Variants in FBXW11 observed in about 807,000 individuals in gnomAD.
FBXW11 encodes the protein F-box/WD repeat-containing protein 11.
Under a neutral mutation model 77.6 loss-of-function variants are expected in FBXW11, and 19 were observed. The ratio of observed to expected loss-of-function variants is 0.24; its 90% CI spans 0.17 to 0.36. FBXW11 has a LOEUF of 0.36. Ranked by LOEUF, FBXW11 falls within the 10% of genes least tolerant of loss-of-function variation. The probability of loss-of-function intolerance (pLI) is 1.00; values close to 1 mark genes in which losing one functional copy is unlikely to be tolerated. For missense variants in FBXW11, 334 were observed against 704.2 expected (o/e 0.47, Z 5.95); for synonymous variants, 235 against 249.4 (o/e 0.94, Z 0.54).
intron 1 of FBXW11, among the ~76,000 whole-genome samples, chr5:171,964,961 A>G (rs1764104656): frequency 6.6e-6 from 1 of 152,176 alleles, no homozygotes; most frequent in African/African-American, 2.4e-5. Flanking sequence ...TCTTGTCATA[A>G]TATTATATCA....
At chr5:171,998,568 G>A (rs917381190) in intron 1 of FBXW11, among the ~76,000 whole-genome samples, 6 of 151,344 alleles carry the variant, frequency 4.0e-5, no homozygotes, top group Non-Finnish European at 7.4e-5. Context: ...AGGCCGAGGC[G>A]GGCAGATCAC....
At chr5:171,932,247 C>G (rs1459766469) in intron 2 of FBXW11, among the ~76,000 whole-genome samples, 4 of 152,090 alleles carry the variant, frequency 2.6e-5, no homozygotes, top group South Asian at 4.1e-4. Flanking sequence ...AAAACCTTAA[C>G]AGTCACTTCA....
chr5:171,960,672 C>T (rs973097272), intron 1 of FBXW11, among the ~76,000 whole-genome samples: 2 of 152,170 alleles, frequency 1.3e-5, no homozygotes, highest in South Asian at 2.1e-4. Flanking sequence ...TATAACCTCG[C>T]ACTGCTAATT....
At chr5:171,893,371 T>A (rs911026475) in intron 6 of FBXW11, among the ~76,000 whole-genome samples, 2 of 128,984 alleles carry the variant, frequency 1.6e-5, no homozygotes, top group Non-Finnish European at 3.1e-5. Context: ...TGGGTCATCA[T>A]CTCTAGTGAC....
intron 13 of FBXW11, among the ~76,000 whole-genome samples, chr5:171,867,108 G>C (rs540303122): frequency 1.3e-5 from 2 of 152,322 alleles, no homozygotes; most frequent in South Asian, 2.1e-4. Flanking sequence ...TTGGCATGAA[G>C]AAAACACTTA....
At chr5:171,919,267 G>A (rs754779787) in intron 2 of FBXW11, among the ~76,000 whole-genome samples, 3 of 152,102 alleles carry the variant, frequency 2.0e-5, no homozygotes, top group South Asian at 2.1e-4. Flanking sequence ...CTAGGCATAC[G>A]TTTTCCTTTC....
intron 1 of FBXW11, among the ~76,000 whole-genome samples, chr5:171,969,723 A>G (rs935097134): frequency 6.6e-6 from 1 of 152,168 alleles, no homozygotes; most frequent in African/African-American, 2.4e-5. Context: ...TGTTTTTCAG[A>G]CAAAATTGCG....
At chr5:171,977,176 C>A (rs1402934221) in intron 1 of FBXW11, among the ~76,000 whole-genome samples, 1 of 151,620 alleles carries the variant, frequency 6.6e-6, no homozygotes, top group East Asian at 1.9e-4. Flanking sequence ...CCCACCTTCA[C>A]AGAAAATTTA....
chr5:171,973,441 A>G (rs894341322), intron 1 of FBXW11, among the ~76,000 whole-genome samples: 1 of 152,220 alleles, frequency 6.6e-6, no homozygotes, highest in African/African-American at 2.4e-5. Context: ...AATTTGAGGA[A>G]AGCTAAAGAC....
At chr5:171,952,036 T>C (rs1044866427) in intron 2 of FBXW11, among the ~76,000 whole-genome samples, 7 of 152,124 alleles carry the variant, frequency 4.6e-5, no homozygotes, top group African/African-American at 1.7e-4. Context: ...TTAAGTAGAA[T>C]AGATAAATCC....
intron 1 of FBXW11, among the ~76,000 whole-genome samples, chr5:171,971,083 A>C (rs1487645955): frequency 1.3e-5 from 2 of 152,246 alleles, no homozygotes; most frequent in East Asian, 3.8e-4. Context: ...GGGACCTTAC[A>C]GACTTTATAG....
rs1231614440 is a variant in FBXW11 at position 172,003,407 on chromosome 5, T to C, written c.45+3051A>G. ...TCTTCCCAATGAAGTCCATTGAACA[T>C]AGCCGGATAAACTTTACATATTTCC... On this transcript the variant is annotated intron_variant, in intron 1 of 13. Transcript: ENST00000517395. 4 of 152,332 alleles carry C rather than the reference T, an allele frequency of 2.6e-5. No homozygotes were observed. The South Asian group carries it at 6.2e-4, about 24-fold the overall frequency. 9.4% of individuals were successfully genotyped at this position (152,332 alleles called of 1,614,324 possible).
At chr5:171,996,817 G>A in intron 1 of FBXW11, 2 of 1,078,158 alleles carry the variant, frequency 1.9e-6, no homozygotes, top group East Asian at 6.0e-5. Context: ...AATAAATAAG[G>A]GAAAATATTT....
intron 7 of FBXW11, 95 bp downstream of exon 7, chr5:171,891,372 A>C: frequency 8.0e-7 from 1 of 1,251,164 alleles, no homozygotes; most frequent in Non-Finnish European, 1.1e-6. Flanking sequence ...GAAGAGATAA[A>C]AACCAATCTA....
chr5:171,873,828 C>T (rs1757902647), intron 9 of FBXW11, among the ~76,000 whole-genome samples: 1 of 152,158 alleles, frequency 6.6e-6, no homozygotes, highest in Non-Finnish European at 1.5e-5. Context: ...AATAAGGAGA[C>T]ACACAGCAAC....
chr5:171,947,091 G>T (rs1219527519), intron 2 of FBXW11, among the ~76,000 whole-genome samples: 2 of 152,098 alleles, frequency 1.3e-5, no homozygotes, highest in Non-Finnish European at 2.9e-5. Flanking sequence ...TGGGATTACA[G>T]GCGTGAGCCA....
chr5:171,907,283 A>T (rs941590984), intron 4 of FBXW11, among the ~76,000 whole-genome samples: 2 of 152,248 alleles, frequency 1.3e-5, no homozygotes, highest in Non-Finnish European at 2.9e-5. Flanking sequence ...TAATTTTTAC[A>T]GAATTAATGG....
chr5:171,962,771 T>C (rs1397769755), intron 1 of FBXW11, among the ~76,000 whole-genome samples: 2 of 152,206 alleles, frequency 1.3e-5, no homozygotes, highest in Non-Finnish European at 2.9e-5. Flanking sequence ...ATTGGCTCAC[T>C]TGAAGAACTC....
chr5:171,910,716 T>C lies in FBXW11; in HGVS notation c.292A>G (p.Ile98Val), dbSNP rs1437849362. Residue 98 changes from isoleucine to valine, a missense_variant, in exon 4 of 14, where the codon ATT becomes GTT. Ile to Val is a conservative substitution (Grantham distance 29, BLOSUM62 3). Around this residue, in one of 10 missense-constraint regions of FBXW11, gnomAD observed 56 missense variants for 144.9 expected, o/e 0.39. Coordinates refer to ENST00000517395, the MANE Select transcript of FBXW11 (RefSeq NM_001378974.1). ...GNYQKEKDLC[I>V]KYFDQWSESD... ...TCAGACCACTGGTCAAAATATTTAA[T>C]ACACAAGTCTTTTTCTTTTTGATAG... 4 of 1,613,960 alleles carry C rather than the reference T, an allele frequency of 2.5e-6. No individual in the cohort carries two copies. Among genetic ancestry groups the C allele is most frequent in the South Asian group, 1.1e-5 (1 of 91,050 alleles).
Sources: allele counts gnomAD v4.1 joint callset (sites outside exome capture counted in the v4.1 genomes callset), GRCh38; gene constraint gnomAD v4.1.1; regional missense constraint gnomAD v4.1.1; transcripts MANE v1.5; gene names NCBI Gene and HGNC (gene_info 2026-07-23, HGNC 2026-07-21).